MAN2C1: variants seen among roughly 807,000 people sequenced by gnomAD.
MAN2C1 encodes mannosidase alpha class 2C member 1.
Under a neutral mutation model 126.9 loss-of-function variants are expected in MAN2C1, and 111 were observed. That is an observed-to-expected ratio of 0.87 (90% CI 0.75 to 1.02). The LOEUF (loss-of-function observed/expected upper bound fraction) is 1.02. MAN2C1 is among the 50% of genes least tolerant of loss of function. The pLI, the probability that MAN2C1 is intolerant of heterozygous loss-of-function variation, is 0.00. For synonymous variants in MAN2C1, 567 were observed against 561.5 expected (o/e 1.01, Z -0.14); for missense variants, 1,363 against 1,364.4 (o/e 1.00, Z 0.02).
At position 75,361,947 on chromosome 15, in the gene MAN2C1, C is replaced by A. The variant is rs751887870; in HGVS notation, c.1009G>T (p.Asp337Tyr). Residue 337 changes from aspartate to tyrosine, a missense_variant and splice_region_variant, in exon 9 of 26, where the codon GAT (aspartate) becomes TAT (tyrosine). Physicochemically the swap from Asp to Tyr is radical, Grantham distance 160 (BLOSUM62 -3). Coordinates refer to ENST00000267978, the MANE Select transcript of MAN2C1 (RefSeq NM_006715.4). The surrounding 1 kb of genome is among the most constrained non-coding windows in gnomAD (Gnocchi z 5.0). ...GCCTCTCCACTGGGCAGGTTCCCAT[C>A]CTGGCAGTGAAGGAAGTGGGAGGCA... ...VPVGGTWVEM[D>Y]GNLPSGEAMV... The A allele has an allele frequency of 1.2e-6, 2 of 1,613,492 alleles. No homozygotes were observed. The highest frequency in any genetic ancestry group is 2.2e-5 in the South Asian group (2 of 91,068).
In MAN2C1 at chr15:75,360,553, C is replaced by A. The variant is rs904007453; in HGVS notation, c.1584+12G>T. On this transcript the variant is annotated intron_variant, in intron 13 of 25. Transcript: ENST00000267978. ...ACACCCTCCCTGCACAGCCCTGCAA[C>A]CTCCCCCTGACCTGGGCATGGGTGG... 1 of 1,613,200 alleles carries A rather than the reference C, an allele frequency of 6.2e-7. No homozygotes were observed. Among genetic ancestry groups the A allele is most frequent in the African/African-American group, 1.3e-5 (1 of 75,044 alleles).
At chr15:75,359,494 G>A in intron 16 of MAN2C1, 69 bp from the exon 17 acceptor site, 2 of 1,563,476 alleles carry the variant, frequency 1.3e-6, no homozygotes, top group Non-Finnish European at 1.7e-6. Flanking sequence ...GGTGGGGATG[G>A]GTTGGTGGAA....
chr15:75,359,800 G>C (rs1433517681), intron 15 of MAN2C1, 25 bp from the exon 16 acceptor site: 1 of 1,613,800 alleles, frequency 6.2e-7, no homozygotes, highest in Admixed American at 1.7e-5. Flanking sequence ...GCTGGTCATA[G>C]GTGGGCAACA....
Position 75,364,132 on chromosome 15 carries a change from C to T in MAN2C1, c.657G>A (p.Met219Ile). The T allele has an allele frequency of 6.2e-7, 1 of 1,614,160 alleles. No homozygotes were observed. Among genetic ancestry groups the T allele is most frequent in the South Asian group, 1.1e-5 (1 of 91,090 alleles). ...SFQALYTANQMVNVCDPAQPE... is the reference protein window; with the variant it reads ...SFQALYTANQIVNVCDPAQPE... Reference sequence around the variant, plus strand: ...GCTGGGCAGGGTCACACACGTTCACCATCTGATTGGCTGTGTACAGGGCCT... The same window carrying T: ...GCTGGGCAGGGTCACACACGTTCACTATCTGATTGGCTGTGTACAGGGCCT... The change falls in exon 6 of 26, where the codon ATG (methionine) becomes ATA (isoleucine). Residue 219 changes from methionine (M) to isoleucine (I), a missense_variant. This residue lies in a region of MAN2C1 where 628 missense variants were observed against 609.8 expected (regional missense o/e 1.03). Transcript: ENST00000267978.
At position 75,368,512 on chromosome 15, in the gene MAN2C1, G is replaced by C; in HGVS notation, c.72C>G (p.Leu24=). The change falls in exon 1 of 26, where the codon CTC becomes CTG. Residue 24 remains leucine (L), a synonymous_variant. Coordinates refer to ENST00000267978, the MANE Select transcript of MAN2C1 (RefSeq NM_006715.4). ...LERVEKFVSP[L]YFTDCNLRGR... is the part of the protein sequence containing the mutation. ...CGCGGAGGTTACAGTCGGTAAAGTAGAGCGGCGACACGAACTTCTCCACCC... is the reference window on the plus strand; with the variant it reads ...CGCGGAGGTTACAGTCGGTAAAGTACAGCGGCGACACGAACTTCTCCACCC... The C allele has an allele frequency of 6.4e-7, 1 of 1,555,988 alleles. No individual in the cohort carries two copies. Among genetic ancestry groups the C allele is most frequent in the African/African-American group, 1.4e-5 (1 of 73,480 alleles).
intron 12 of MAN2C1, 144 bp downstream of exon 12, chr15:75,360,902 G>A: frequency 8.0e-7 from 1 of 1,250,118 alleles, no homozygotes; most frequent in Non-Finnish European, 1.1e-6. Flanking sequence ...CCCACCCCCA[G>A]GGTGGAAGTT....
intron 3 of MAN2C1, 59 bp downstream of exon 3, chr15:75,367,452 C>A: frequency 6.3e-7 from 1 of 1,590,650 alleles, no homozygotes; most frequent in African/African-American, 1.3e-5. Flanking sequence ...AGAAGAAGGG[C>A]TGTAGTCATT....
Position 75,356,998 on chromosome 15 carries a change from A to C in MAN2C1, c.2548-96T>G, listed in dbSNP as rs543465936. The C allele has an allele frequency of 2.1e-5, 21 of 979,798 alleles. No individual in the cohort carries two copies. Among genetic ancestry groups the C allele is most frequent in the Non-Finnish European group, 3.3e-5 (21 of 637,046 alleles). The allele number at this position is 979,798 out of a possible 1,614,324, so 60.7% of individuals were successfully genotyped here. A position where few individuals can be genotyped will look rare whatever the true frequency, so the allele number is the denominator to read the frequency against. The stretch of plus-strand genomic sequence containing the variant: ...TGTCACTAGGCCGAGCACAAGCTCT[A>C]GAACCACACAACTGAACTCCAGCTC... On this transcript the variant is annotated intron_variant, in intron 21 of 25. Coordinates refer to ENST00000267978, the MANE Select transcript of MAN2C1 (RefSeq NM_006715.4). This position sits in a 1 kb window ranked among gnomAD's most constrained non-coding sequence, Gnocchi z 5.8.
intron 2 of MAN2C1, 72 bp downstream of exon 2, chr15:75,368,001 A>C (rs1353087819): frequency 1.3e-6 from 2 of 1,513,426 alleles, no homozygotes; most frequent in African/African-American, 2.8e-5. Context: ...CAGACAACGA[A>C]GGTGTGGCTG....
At position 75,358,415 on chromosome 15, in the gene MAN2C1, T is replaced by C. The variant is rs368927099; in HGVS notation, c.2403+47A>G. The C allele has an allele frequency of 9.3e-6, 15 of 1,612,852 alleles. No homozygotes were observed. In the African/African-American group the frequency reaches 1.6e-4, roughly 17 times the overall value. ...CCAAGGCCTGGGGCTGGCCCCTCCT[T>C]ACCAAGCACACTTGGGGAAAACAGC... On this transcript the variant is annotated intron_variant, in intron 20 of 25. Coordinates refer to ENST00000267978, the MANE Select transcript of MAN2C1 (RefSeq NM_006715.4).
rs2072314338 is a variant in MAN2C1, at chr15:75,356,661, G to A, written c.2682C>T (p.Asp894=). 11 of 1,583,822 alleles carry A rather than the reference G, an allele frequency of 6.9e-6. No homozygotes were observed. Among genetic ancestry groups the A allele is most frequent in the South Asian group, 1.1e-5 (1 of 87,908 alleles). ...CGTGGCGCCCCGTGTCAGCAGTAGC[G>A]TCCGGGGCTTTAGGCGCCCGCAAGC... is the stretch of plus-strand genomic sequence containing the variant. ...LSLLRAPKAP[D]ATADTGRHEF... Residue 894 remains aspartate (D), a synonymous_variant, in exon 23 of 26, where the codon GAC becomes GAT. Transcript: ENST00000267978. This position sits in a 1 kb window ranked among gnomAD's most constrained non-coding sequence, Gnocchi z 5.8.
chr15:75,356,184 C>T lies in MAN2C1; in HGVS notation c.2922G>A (p.Leu974=), dbSNP rs1381520149. Residue 974 remains leucine (L), a synonymous_variant, in exon 25 of 26, where the codon CTG becomes CTA. Transcript: ENST00000267978. The surrounding 1 kb of genome is among the most constrained non-coding windows in gnomAD (Gnocchi z 5.8). The part of the protein sequence containing the change: ...ESSPQRRSLV[L]RLYEAHGSHV... ...GGCTGCCGTGGGCCTCATACAGCCT[C>T]AGGACCAGCGAGCGGCGCTGGGGGC... 6.2e-7 allele frequency: 1 copy of T among 1,613,560 alleles called. No individual in the cohort carries two copies. Among genetic ancestry groups the T allele is most frequent in the Non-Finnish European group, 8.5e-7 (1 of 1,179,988 alleles).
Position 75,361,043 on chromosome 15 carries a change from G to A in MAN2C1, c.1460+3C>T. The A allele has an allele frequency of 6.2e-7, 1 of 1,607,700 alleles. No individual in the cohort carries two copies. The highest frequency in any genetic ancestry group is 8.5e-7 in the Non-Finnish European group (1 of 1,177,528). On this transcript the variant is annotated splice_donor_region_variant and intron_variant, in intron 12 of 25. Transcript: ENST00000267978. The surrounding 1 kb of genome is among the most constrained non-coding windows in gnomAD (Gnocchi z 5.0). ...CTAAAGGAGAGCCAAGGCCTGGCCT[G>A]ACCTGGGCAGCCCATCCGTATTGCT...
In MAN2C1 at chr15:75,359,726, C is replaced by T; in HGVS notation, c.1842G>A (p.Leu614=). Residue 614 remains leucine (L), a synonymous_variant, in exon 16 of 26, where the codon CTG becomes CTA. Transcript: ENST00000267978. ...CCTCAGGACCTGGCTCCCCAGCACA[C>T]AGGGCTGCGGCTGCAGCGCTGAGCA... is the stretch of plus-strand genomic sequence containing the variant. ...NTLLSAAAAA[L]CAGEPGPEGL... is the part of the protein sequence containing the mutation. 6.2e-7 allele frequency: 1 copy of T among 1,614,118 alleles called. No individual in the cohort carries two copies. Among genetic ancestry groups the T allele is most frequent in the South Asian group, 1.1e-5 (1 of 91,092 alleles).
chr15:75,360,538 T>C (rs1240279736), intron 13 of MAN2C1, 27 bp downstream of exon 13: 6 of 1,611,646 alleles, frequency 3.7e-6, no homozygotes, highest in Admixed American at 1.7e-5. Flanking sequence ...ACACCCTCCC[T>C]GCACAGCCCT....
chr15:75,368,442 A>G, intron 1 of MAN2C1, 41 bp downstream of exon 1: 1 of 1,526,906 alleles, frequency 6.5e-7, no homozygotes, highest in Non-Finnish European at 8.9e-7. Context: ...CTTGAGGCGC[A>G]CGGTTGCGGT....
Position 75,356,891 on chromosome 15 carries a change from A to T in MAN2C1, c.2559T>A (p.His853Gln). Residue 853 changes from histidine to glutamine, a missense_variant, in exon 22 of 26, where the codon CAT becomes CAA. Around this residue, in one of 3 missense-constraint regions of MAN2C1, gnomAD observed 668 missense variants for 650.1 expected, o/e 1.03. Coordinates refer to ENST00000267978, the MANE Select transcript of MAN2C1 (RefSeq NM_006715.4). This position sits in a 1 kb window ranked among gnomAD's most constrained non-coding sequence, Gnocchi z 5.8. ...WDWARFEVWA[H>Q]RWMDLSEHGF... ...CGTGTTCTGACAGATCCATCCAGCG[A>T]TGGGCCCACACCTGGAGGGCAGATC... 6.2e-7 allele frequency: 1 copy of T among 1,613,978 alleles called. No homozygotes were observed. Among genetic ancestry groups the T allele is most frequent in the Non-Finnish European group, 8.5e-7 (1 of 1,179,966 alleles).
Position 75,362,686 on chromosome 15 carries a change from G to T in MAN2C1, c.853C>A (p.Gln285Lys). 1 of 1,614,164 alleles carries T rather than the reference G, an allele frequency of 6.2e-7. No individual in the cohort carries two copies. Among genetic ancestry groups the T allele is most frequent in the Non-Finnish European group, 8.5e-7 (1 of 1,180,028 alleles). Residue 285 changes from glutamine (Q) to lysine (K), a missense_variant, in exon 7 of 26, where the codon CAG (glutamine) becomes AAG (lysine). Around this residue, in one of 3 missense-constraint regions of MAN2C1, gnomAD observed 628 missense variants for 609.8 expected, o/e 1.03. Coordinates refer to ENST00000267978, the MANE Select transcript of MAN2C1 (RefSeq NM_006715.4). The surrounding 1 kb of genome is among the most constrained non-coding windows in gnomAD (Gnocchi z 4.5). ...KCARSWVTAL[Q>K]LMERNPEFIF... ...AACTCAGGGTTCCGCTCCATGAGCTGCAGGGCGGTCACCCAGCTCCGGGCA... is the reference window on the plus strand; with the variant it reads ...AACTCAGGGTTCCGCTCCATGAGCTTCAGGGCGGTCACCCAGCTCCGGGCA...
In MAN2C1 at chr15:75,359,083, G is replaced by A; in HGVS notation, c.2117C>T (p.Ser706Phe). The change falls in exon 18 of 26, where the codon TCC (serine) becomes TTC (phenylalanine). Residue 706 changes from serine (S) to phenylalanine (F), a missense_variant. By Grantham distance (155) the Ser-to-Phe change is radical. Around this residue, in one of 3 missense-constraint regions of MAN2C1, gnomAD observed 668 missense variants for 650.1 expected, o/e 1.03. Transcript: ENST00000267978. ...CCTGCCAGAGGCCACCAGGACCAAGGACGTCAGGCGACCAGTTGGGTCCAG... is the reference window on the plus strand; with the variant it reads ...CCTGCCAGAGGCCACCAGGACCAAGAACGTCAGGCGACCAGTTGGGTCCAG... ...VKLDPTGRLT[S>F]LVLVASGREA... is the part of the protein sequence containing the mutation. The A allele has an allele frequency of 1.9e-6, 3 of 1,613,976 alleles. No individual in the cohort carries two copies. The highest frequency in any genetic ancestry group is 1.6e-4 in the Middle Eastern group (1 of 6,062).
Sources: gnomAD v4.1 joint callset for allele counts on GRCh38, gnomAD v4.1.1 for gene constraint, gnomAD v4.1.1 regional missense constraint, Gnocchi (gnomAD v3.1) non-coding constraint, MANE v1.5 for transcripts, NCBI Gene and HGNC (gene_info 2026-07-23, HGNC 2026-07-21) for gene names.